Variants in EYA2 observed in about 807,000 individuals in gnomAD.
The protein encoded by EYA2 is EYA transcriptional coactivator and phosphatase 2.
Under a neutral mutation model 69.2 loss-of-function variants are expected in EYA2, and 31 were observed. The ratio of observed to expected loss-of-function variants is 0.45; its 90% CI spans 0.34 to 0.60. The LOEUF (loss-of-function observed/expected upper bound fraction) is 0.60. Among genes scored for constraint, EYA2 ranks in the 20% least tolerant of loss-of-function variants. EYA2 has a pLI of 0.02. For synonymous variants in EYA2, 257 were observed against 279.4 expected (o/e 0.92, Z 0.80); for missense variants, 622 against 701.2 (o/e 0.89, Z 1.28).
intron 9 of EYA2, among the ~76,000 whole-genome samples, chr20:47,132,028 G>A (rs116673967): frequency 0.022 from 3,363 of 152,228 alleles, 113 homozygotes; most frequent in East Asian, 0.09. Context: ...GTGCAGTAGC[G>A]CAATCATAGT....
Position 47,122,453 on chromosome 20 carries a change from C to T in EYA2, c.889-20606C>T, listed in dbSNP as rs1205389608. ...GGTCTACAGGCACCCGCCACCGCAC[C>T]CGGCTAATTTTTTTTTTGTATTTTT... On this transcript the variant is annotated intron_variant, in intron 9 of 15. Transcript: ENST00000327619. 2.0e-5 allele frequency among the ~76,000 whole-genome samples: 3 copies of T among 151,828 alleles called. No homozygotes were observed. The East Asian group carries it at 5.8e-4, about 29-fold the overall frequency.
chr20:47,027,461 G>C (rs764611997), intron 5 of EYA2, among the ~76,000 whole-genome samples: 3 of 152,162 alleles, frequency 2.0e-5, no homozygotes, highest in Non-Finnish European at 4.4e-5. Flanking sequence ...CCTCCAGCCT[G>C]GGGGGTCACT....
At chr20:46,916,367 A>G (rs1027510137) in intron 1 of EYA2, among the ~76,000 whole-genome samples, 2 of 152,126 alleles carry the variant, frequency 1.3e-5, no homozygotes, top group South Asian at 2.1e-4. Context: ...GTGGGTGTGC[A>G]TGGACAAGTA....
intron 1 of EYA2, among the ~76,000 whole-genome samples, chr20:46,920,419 C>T (rs1047872659): frequency 6.6e-6 from 1 of 152,134 alleles, no homozygotes; most frequent in African/African-American, 2.4e-5. Context: ...GGACGTGACA[C>T]GTTATCTTTT....
chr20:47,029,807 T>C (rs947011), intron 5 of EYA2, among the ~76,000 whole-genome samples: 24,358 of 152,222 alleles, frequency 0.16, 2,047 homozygotes, highest in African/African-American at 0.19. Context: ...TTAAGAATTA[T>C]TGAACACAGT....
intron 1 of EYA2, among the ~76,000 whole-genome samples, chr20:46,978,053 C>A (rs1980568158): frequency 6.6e-6 from 1 of 152,238 alleles, no homozygotes; most frequent in African/African-American, 2.4e-5. Context: ...GGTCTGCCCA[C>A]GGCTCCAGGT....
At chr20:47,109,796 ATTTT>A (rs1568783858) in intron 9 of EYA2, among the ~76,000 whole-genome samples, 1 of 152,126 alleles carries the variant, frequency 6.6e-6, no homozygotes, top group East Asian at 1.9e-4. Context: ...GACATTCCCC[ATTTT>A]TGGGGAATGG....
intron 1 of EYA2, among the ~76,000 whole-genome samples, chr20:46,895,728 G>C (rs777771096): frequency 9.2e-5 from 14 of 152,174 alleles, no homozygotes; most frequent in Non-Finnish European, 1.6e-4. Context: ...GCTGGCCCAG[G>C]CTCCTTCAAT....
intron 4 of EYA2, among the ~76,000 whole-genome samples, chr20:47,015,313 G>C (rs1437448966): frequency 6.6e-6 from 1 of 152,196 alleles, no homozygotes; most frequent in Non-Finnish European, 1.5e-5. Context: ...CCTCAACACA[G>C]TCCCTTTCTC....
chr20:47,169,247 C>G (rs1335364675), intron 11 of EYA2, 50 bp downstream of exon 11: 3 of 1,552,398 alleles, frequency 1.9e-6, no homozygotes, highest in Non-Finnish European at 2.7e-6. Flanking sequence ...GATTGATTAT[C>G]AAGTTATCCT....
chr20:47,086,811 G>A (rs1600698924), intron 7 of EYA2, among the ~76,000 whole-genome samples: 1 of 145,534 alleles, frequency 6.9e-6, no homozygotes, highest in East Asian at 2.0e-4. Flanking sequence ...TTTTTTTGTT[G>A]TTTTTTTTTT....
chr20:46,919,742 A>C, intron 1 of EYA2, among the ~76,000 whole-genome samples: 1 of 152,234 alleles, frequency 6.6e-6, no homozygotes. Context: ...TTTCCTTTGC[A>C]TTCACAACTT....
chr20:47,007,628 T>G (rs1170821330), intron 4 of EYA2, among the ~76,000 whole-genome samples: 2 of 152,040 alleles, frequency 1.3e-5, no homozygotes, highest in African/African-American at 2.4e-5. Context: ...ATTTTTATTA[T>G]TTTTAGAGAC....
chr20:47,141,630 A>G (rs1006571028), intron 9 of EYA2, among the ~76,000 whole-genome samples: 3 of 152,230 alleles, frequency 2.0e-5, no homozygotes, highest in African/African-American at 7.2e-5. Flanking sequence ...GATCCACATC[A>G]TCTTTATTCT....
intron 10 of EYA2, among the ~76,000 whole-genome samples, chr20:47,154,859 G>GTGTGTGTGTT (rs35016620): frequency 5.5e-5 from 8 of 144,310 alleles, no homozygotes; most frequent in Non-Finnish European, 7.6e-5. Flanking sequence ...GTGTGTGTGT[G>GTGTGTGTGTT]TTTTGAGATG....
chr20:46,946,370 A>G (rs1978457001), intron 1 of EYA2, among the ~76,000 whole-genome samples: 1 of 152,162 alleles, frequency 6.6e-6, no homozygotes, highest in Non-Finnish European at 1.5e-5. Flanking sequence ...CTTGAGCATC[A>G]CTGCGGTCAA....
intron 5 of EYA2, among the ~76,000 whole-genome samples, chr20:47,056,536 C>G (rs6090615): frequency 6.6e-6 from 1 of 152,176 alleles, no homozygotes; most frequent in Non-Finnish European, 1.5e-5. Flanking sequence ...GGCTCTGGCC[C>G]TTGTATCCCA....
intron 5 of EYA2, among the ~76,000 whole-genome samples, chr20:47,067,398 A>G (rs6012107): frequency 0.046 from 7,005 of 152,120 alleles, 533 homozygotes; most frequent in African/African-American, 0.16. Context: ...TTTGTTGACT[A>G]TAGTCAACAA....
intron 1 of EYA2, among the ~76,000 whole-genome samples, chr20:46,913,059 G>A (rs145778720): frequency 1.2e-3 from 189 of 152,328 alleles, no homozygotes; most frequent in African/African-American, 4.5e-3. Flanking sequence ...CTGGTTCTCT[G>A]GAAATTAAAG....
Sources: allele counts gnomAD v4.1 joint callset (sites outside exome capture counted in the v4.1 genomes callset), GRCh38; gene constraint gnomAD v4.1.1; transcripts MANE v1.5; gene names NCBI Gene and HGNC (gene_info 2026-07-23, HGNC 2026-07-21).